The following PAN3 variants were observed in gnomAD, a reference collection of about 807,000 sequenced individuals.
PAN3 encodes poly(A) specific ribonuclease subunit PAN3.
Under a neutral mutation model 96.2 loss-of-function variants are expected in PAN3, and 19 were observed. The observed-to-expected ratio is 0.20, with a 90% CI of 0.14 to 0.29. The LOEUF (loss-of-function observed/expected upper bound fraction) is 0.29. Ranked by LOEUF, PAN3 falls within the 10% of genes least tolerant of loss-of-function variation. The probability of loss-of-function intolerance (pLI) is 1.00; values close to 1 mark genes in which losing one functional copy is unlikely to be tolerated. For synonymous variants in PAN3, 433 were observed against 406.6 expected, an observed-to-expected ratio of 1.06 and a Z score of -0.78; for missense variants, 882 against 1,108.1, an observed-to-expected ratio of 0.80 and a Z score of 2.90.
chr13:28,223,554 T>G (rs1024899271), intron 6 of PAN3, among the ~76,000 whole-genome samples: 7 of 152,030 alleles, frequency 4.6e-5, no homozygotes, highest in South Asian at 2.1e-4. Context: ...CCACTGTTTT[T>G]TTTTTTGTTT....
intron 6 of PAN3, among the ~76,000 whole-genome samples, chr13:28,240,820 T>C (rs1032028100): frequency 2.6e-5 from 4 of 152,224 alleles, no homozygotes; most frequent in African/African-American, 9.6e-5. Flanking sequence ...TTTTAGTGTC[T>C]ACTTTCTGAT....
intron 6 of PAN3, among the ~76,000 whole-genome samples, chr13:28,223,076 G>A (rs558544998): frequency 2.0e-5 from 3 of 152,256 alleles, no homozygotes; most frequent in African/African-American, 7.2e-5. Flanking sequence ...AGGAACAAAG[G>A]CATAATGCCT....
At chr13:28,265,838 A>G (rs1175260824) in intron 9 of PAN3, among the ~76,000 whole-genome samples, 1 of 10,382 alleles carries the variant, frequency 9.6e-5, no homozygotes, top group Non-Finnish European at 1.4e-4. Context: ...GGTTCACGCC[A>G]TTCTCCTGCC....
chr13:28,207,270 C>CT (rs1879489690), intron 5 of PAN3, among the ~76,000 whole-genome samples: 1 of 152,120 alleles, frequency 6.6e-6, no homozygotes, highest in Non-Finnish European at 1.5e-5. Flanking sequence ...CAACTAAGAT[C>CT]TGTTGCTGGT....
At chr13:28,150,519 A>G (rs978190625) in intron 1 of PAN3, among the ~76,000 whole-genome samples, 2 of 151,394 alleles carry the variant, frequency 1.3e-5, no homozygotes, top group Non-Finnish European at 2.9e-5. Flanking sequence ...CACCTGTAGT[A>G]CCAGCTACTC....
intron 6 of PAN3, among the ~76,000 whole-genome samples, chr13:28,225,800 A>G (rs577198908): frequency 1.3e-5 from 2 of 152,344 alleles, no homozygotes; most frequent in South Asian, 4.1e-4. Flanking sequence ...TTTATTCTTC[A>G]GACTAGTTCT....
At chr13:28,242,677 G>A (rs1883792210) in intron 6 of PAN3, among the ~76,000 whole-genome samples, 1 of 152,096 alleles carries the variant, frequency 6.6e-6, no homozygotes, top group African/African-American at 2.4e-5. Context: ...GGAAGGAGAA[G>A]CTTTTTTGAT....
chr13:28,140,882 G>T (rs1417509928), intron 1 of PAN3, among the ~76,000 whole-genome samples: 1 of 152,082 alleles, frequency 6.6e-6, no homozygotes, highest in Admixed American at 6.6e-5. Flanking sequence ...TCACTTTCGA[G>T]CATCAACTTT....
rs143235876 is a variant in PAN3 at position 28,293,406 on chromosome 13, T to G, written c.*884T>G. 2.1e-5 allele frequency: 3 copies of G among 143,476 alleles called. No individual in the cohort carries two copies. Among genetic ancestry groups the G allele is most frequent in the African/African-American group, 7.9e-5 (3 of 38,194 alleles). 8.9% of individuals were successfully genotyped at this position (143,476 alleles called of 1,614,324 possible). A position where few individuals can be genotyped will look rare whatever the true frequency, so the allele number is the denominator to read the frequency against. ...TTGCTGGTTTTTTTTTTTTTTTTTTTTTTTTTTTTTGGGCGGGGGGGAGGT... is the reference window on the plus strand; with the variant it reads ...TTGCTGGTTTTTTTTTTTTTTTTTTGTTTTTTTTTTGGGCGGGGGGGAGGT... On this transcript the variant is annotated 3_prime_UTR_variant, in exon 19 of 19. Transcript: ENST00000380958.
rs951261845 is a variant in PAN3, at chr13:28,141,283, G to C, written c.430+2196G>C. 2.0e-5 allele frequency among the ~76,000 whole-genome samples: 3 copies of C among 151,660 alleles called. No individual in the cohort carries two copies. In the South Asian group the frequency reaches 6.2e-4, roughly 32 times the overall value. On this transcript the variant is annotated intron_variant, in intron 1 of 18. Coordinates refer to ENST00000380958, the MANE Select transcript of PAN3 (RefSeq NM_175854.8). ...GCCTCCCAAAGTGCTGGGATTACAG[G>C]TGTGAGCCACTGTGCTGGCCAGAAA...
At position 28,295,256 on chromosome 13, in the gene PAN3, A is replaced by G. The variant is rs1470604134; in HGVS notation, c.*2734A>G. On this transcript the variant is annotated 3_prime_UTR_variant, in exon 19 of 19. Coordinates refer to ENST00000380958, the MANE Select transcript of PAN3 (RefSeq NM_175854.8). Reference sequence around the variant, plus strand: ...TGTTAGGTTCTAATGTCATGACCCAATTTGTGTTATTCATCTTTAATCCTG... The same window carrying G: ...TGTTAGGTTCTAATGTCATGACCCAGTTTGTGTTATTCATCTTTAATCCTG... The G allele has an allele frequency of 1.3e-5, 2 of 152,218 alleles. No individual in the cohort carries two copies. Among genetic ancestry groups the G allele is most frequent in the Non-Finnish European group, 1.5e-5 (1 of 68,040 alleles). The allele number at this position is 152,218 out of a possible 1,614,324, so 9.4% of individuals were successfully genotyped here.
In PAN3 at chr13:28,154,791, C is replaced by T. The variant is rs572257618; in HGVS notation, c.430+15704C>T. ...GATTACAGGTGTGAGCCACCACACT[C>T]GGCCTGACTTTGCAGGTTTTTTTTT... On this transcript the variant is annotated intron_variant, in intron 1 of 18. Transcript: ENST00000380958. Among the ~76,000 whole-genome samples, 216 of 150,528 alleles carry T rather than the reference C, an allele frequency of 1.4e-3. 2 individuals are homozygous for T. Among genetic ancestry groups the T allele is most frequent in the African/African-American group, 4.9e-3 (199 of 41,016 alleles).
At position 28,294,915 on chromosome 13, in the gene PAN3, G is replaced by A. The variant is rs1870145458; in HGVS notation, c.*2393G>A. The A allele has an allele frequency of 6.6e-6, 1 of 152,072 alleles. No homozygotes were observed. Among genetic ancestry groups the A allele is most frequent in the Non-Finnish European group, 1.5e-5 (1 of 67,998 alleles). 9.4% of individuals were successfully genotyped at this position (152,072 alleles called of 1,614,324 possible). A position where few individuals can be genotyped will look rare whatever the true frequency, so the allele number is the denominator to read the frequency against. ...GTTCTGCCTAGGTGTTTTTGGGGGA[G>A]CCCTGTTTTCCATAGTGTAATTCCA... On this transcript the variant is annotated 3_prime_UTR_variant, in exon 19 of 19. Coordinates refer to ENST00000380958, the MANE Select transcript of PAN3 (RefSeq NM_175854.8).
chr13:28,268,199 T>C (rs1446857786), intron 12 of PAN3, among the ~76,000 whole-genome samples: 1 of 152,182 alleles, frequency 6.6e-6, no homozygotes, highest in African/African-American at 2.4e-5. Flanking sequence ...CTTTGTTTTG[T>C]TTTTGTCTCC....
At chr13:28,162,409 G>T (rs1442429360) in intron 1 of PAN3, among the ~76,000 whole-genome samples, 1 of 152,196 alleles carries the variant, frequency 6.6e-6, no homozygotes, top group Non-Finnish European at 1.5e-5. Flanking sequence ...AATCAGCCGG[G>T]TGCCGTGGCT....
intron 5 of PAN3, among the ~76,000 whole-genome samples, chr13:28,210,085 T>C (rs1375545653): frequency 1.3e-5 from 2 of 152,132 alleles, no homozygotes; most frequent in Admixed American, 1.3e-4. Context: ...CACGGCCTTA[T>C]TTTTCGTTTT....
intron 1 of PAN3, among the ~76,000 whole-genome samples, chr13:28,139,298 G>GGTTGGGTTCCCGGGAAC (rs1869278872): frequency 6.6e-6 from 1 of 150,740 alleles, no homozygotes; most frequent in Non-Finnish European, 1.5e-5. Flanking sequence ...AGCGCGGGGA[G>GGTTGGGTTCCCGGGAAC]GTTGGGTTCC....
intron 5 of PAN3, chr13:28,214,868 T>C (rs774768665): frequency 4.2e-5 from 32 of 765,616 alleles, no homozygotes; most frequent in Non-Finnish European, 6.9e-5. Flanking sequence ...TTATTGCTGC[T>C]GGTGTTGGTG....
At chr13:28,249,939 C>CT (rs762375274) in intron 6 of PAN3, among the ~76,000 whole-genome samples, 1 of 152,118 alleles carries the variant, frequency 6.6e-6, no homozygotes, top group African/African-American at 2.4e-5. Flanking sequence ...TTTAATAGTT[C>CT]TTTCACCATG....
Sources: gnomAD v4.1 joint callset for allele counts (sites outside exome capture counted in the v4.1 genomes callset) on GRCh38, gnomAD v4.1.1 for gene constraint, MANE v1.5 for transcripts, NCBI Gene and HGNC (gene_info 2026-07-23, HGNC 2026-07-21) for gene names.